Variants in ZNF26 observed in about 807,000 individuals in gnomAD.
The protein encoded by ZNF26 is zinc finger protein 26, also known as epididymis luminal protein 179.
A neutral mutation model predicts 54.9 loss-of-function variants in ZNF26; 32 were observed. That is an observed-to-expected ratio of 0.58 (90% CI 0.44 to 0.78). The LOEUF is 0.78. Ranked by LOEUF, ZNF26 falls within the 30% of genes least tolerant of loss-of-function variation. The pLI is 0.00. For synonymous variants in ZNF26, 221 were observed against 209.2 expected, an observed-to-expected ratio of 1.06 and a Z score of -0.49; for missense variants, 524 against 634.0, an observed-to-expected ratio of 0.83 and a Z score of 1.86.
intron 1 of ZNF26, among the ~76,000 whole-genome samples, chr12:132,998,645 C>T (rs889646441): frequency 3.9e-5 from 6 of 152,164 alleles, no homozygotes; most frequent in Non-Finnish European, 8.8e-5. Context: ...TCTTTACTTG[C>T]CACAGATCAG....
chr12:132,986,515 G>C lies in ZNF26; in HGVS notation c.-326G>C, dbSNP rs1307416076. 4.6e-5 allele frequency: 21 copies of C among 452,418 alleles called. No individual in the cohort carries two copies. The highest frequency in any genetic ancestry group is 5.3e-5 in the Non-Finnish European group (13 of 245,876). The allele number at this position is 452,418 out of a possible 1,614,324, so 28.0% of individuals were successfully genotyped here. ...GGCTCGGATTATCCTGGGCAGACCA[G>C]AGACTTGACCAGCTAAACACTTCCG... On this transcript the variant is annotated 5_prime_UTR_variant, in exon 1 of 4. Coordinates refer to ENST00000328654, the MANE Select transcript of ZNF26 (RefSeq NM_019591.4).
Position 132,996,150 on chromosome 12 carries a change from C to T in ZNF26, c.33+9277C>T, listed in dbSNP as rs908603471. ...TTGTTTCTGGAGCACCTTGAGGCTG[C>T]GGGAGACTCAGTCTGCCATTCCAGC... On this transcript the variant is annotated intron_variant, in intron 1 of 3. Coordinates refer to ENST00000328654, the MANE Select transcript of ZNF26 (RefSeq NM_019591.4). Among the ~76,000 whole-genome samples the T allele has an allele frequency of 2.9e-3, 435 of 152,244 alleles. 2 individuals carry two copies. Among genetic ancestry groups the T allele is most frequent in the African/African-American group, 9.9e-3 (410 of 41,538 alleles).
intron 1 of ZNF26, among the ~76,000 whole-genome samples, chr12:133,000,115 C>G (rs1039198263): frequency 1.1e-4 from 16 of 152,082 alleles, no homozygotes; most frequent in African/African-American, 2.9e-4. Context: ...ATCATAATCT[C>G]TTGTGAAATT....
At chr12:132,989,009 TC>T (rs1445940655) in intron 1 of ZNF26, among the ~76,000 whole-genome samples, 2 of 149,142 alleles carry the variant, frequency 1.3e-5, no homozygotes, top group African/African-American at 4.9e-5. Flanking sequence ...ATCATGTAGT[TC>T]CAGGAGTCTT....
chr12:133,008,666 C>G (rs1289923419), intron 3 of ZNF26, among the ~76,000 whole-genome samples: 2 of 151,404 alleles, frequency 1.3e-5, no homozygotes, highest in Admixed American at 1.3e-4. Context: ...GTCCCAGCTA[C>G]TCAGGAGGCT....
rs2137200312 is a variant in ZNF26 at position 132,986,923 on chromosome 12, C to T, written c.33+50C>T. On this transcript the variant is annotated intron_variant, in intron 1 of 3. Coordinates refer to ENST00000328654, the MANE Select transcript of ZNF26 (RefSeq NM_019591.4). ...AAATTCGACTGGATACTGAGGGTGG[C>T]CACGTTAATCTCTTCAGGGTTACTC... The T allele has an allele frequency of 3.2e-6, 5 of 1,556,900 alleles. No homozygotes were observed. In the East Asian group the frequency reaches 1.2e-4, roughly 36 times the overall value.
intron 3 of ZNF26, among the ~76,000 whole-genome samples, chr12:133,009,605 A>AG (rs1340150085): frequency 4.0e-5 from 6 of 151,104 alleles, no homozygotes; most frequent in African/African-American, 1.5e-4. Context: ...AAAAAAAAAA[A>AG]TCTTAAAAAT....
chr12:133,010,565 C>G lies in ZNF26; in HGVS notation c.686C>G (p.Pro229Arg). 6.2e-7 allele frequency: 1 copy of G among 1,614,078 alleles called. No homozygotes were observed. The highest frequency in any genetic ancestry group is 8.5e-7 in the Non-Finnish European group (1 of 1,179,998). The change falls in exon 4 of 4, where the codon CCC becomes CGC. Residue 229 changes from proline (P) to arginine (R), a missense_variant. Physicochemically the swap from Pro to Arg is moderately radical, Grantham distance 103. Coordinates refer to ENST00000328654, the MANE Select transcript of ZNF26 (RefSeq NM_019591.4). ...AHQRVHTGEKPYSCSECEKVF... is the reference protein window; with the variant it reads ...AHQRVHTGEKRYSCSECEKVF... The stretch of plus-strand genomic sequence containing the variant: ...CAGAGAGTTCATACAGGAGAAAAAC[C>G]CTACTCATGTAGTGAGTGCGAGAAG...
At chr12:132,993,105 G>A (rs910835715) in intron 1 of ZNF26, among the ~76,000 whole-genome samples, 35 of 145,896 alleles carry the variant, frequency 2.4e-4, no homozygotes, top group South Asian at 1.3e-3. Context: ...GCTCACTGCA[G>A]CCTCTACCTC....
At position 133,021,163 on chromosome 12, in the gene ZNF26, G is replaced by T. The variant is rs1953635393; in HGVS notation, c.*9682G>T. ...AGACGGAATCTCACTCTGTCACCAAGGTTGAAGTGCAGTGGCACCGTGTCG... is the reference window on the plus strand; with the variant it reads ...AGACGGAATCTCACTCTGTCACCAATGTTGAAGTGCAGTGGCACCGTGTCG... On this transcript the variant is annotated 3_prime_UTR_variant, in exon 4 of 4. Transcript: ENST00000328654. 1.5e-5 allele frequency: 2 copies of T among 135,532 alleles called. No homozygotes were observed. Among genetic ancestry groups the T allele is most frequent in the Non-Finnish European group, 3.0e-5 (2 of 65,794 alleles). The allele number at this position is 135,532 out of a possible 1,614,324, so 8.4% of individuals were successfully genotyped here.
At position 133,010,393 on chromosome 12, in the gene ZNF26, A is replaced by G; in HGVS notation, c.514A>G (p.Lys172Glu). The G allele has an allele frequency of 1.2e-6, 2 of 1,614,206 alleles. No individual in the cohort carries two copies. The highest frequency in any genetic ancestry group is 1.3e-5 in the African/African-American group (1 of 75,066). The change falls in exon 4 of 4, where the codon AAA becomes GAA. Residue 172 changes from lysine to glutamate, a missense_variant. By Grantham distance (56) the Lys-to-Glu change is moderately conservative. Coordinates refer to ENST00000328654, the MANE Select transcript of ZNF26 (RefSeq NM_019591.4). ...GCATCAAAGAGCTCATAGCATAGAA[A>G]AAAACTGTGTGTGTAGTGAATGTGG... ...LKHQRAHSIEKNCVCSECGKA... is the reference protein window; with the variant it reads ...LKHQRAHSIEENCVCSECGKA...
Position 133,010,841 on chromosome 12 carries a change from A to G in ZNF26, c.962A>G (p.Lys321Arg). The change falls in exon 4 of 4, where the codon AAA becomes AGA. Residue 321 changes from lysine to arginine, a missense_variant. Physicochemically the swap from Lys to Arg is conservative, Grantham distance 26. Transcript: ENST00000328654. ...CCCCATAAATGCAGTGAATGTGGGAAAGCCTTTAGGAGTAAGTCCTATCTC... is the reference window on the plus strand; with the variant it reads ...CCCCATAAATGCAGTGAATGTGGGAGAGCCTTTAGGAGTAAGTCCTATCTC... ...VKPHKCSECG[K>R]AFRSKSYLLV... 1 of 1,614,130 alleles carries G rather than the reference A, an allele frequency of 6.2e-7. No homozygotes were observed. The highest frequency in any genetic ancestry group is 1.7e-5 in the Admixed American group (1 of 60,020).
Position 133,026,927 on chromosome 12 carries a change from CAT to C in ZNF26, c.*15448_*15449del, listed in dbSNP as rs1174068566. ...AATGTAGAAATAGAGTGATATGAAA[CAT>C]AAATACCTATATAGGTTAAGAAAAA... is the stretch of plus-strand genomic sequence containing the variant. On this transcript the variant is annotated 3_prime_UTR_variant, in exon 4 of 4. Coordinates refer to ENST00000328654, the MANE Select transcript of ZNF26 (RefSeq NM_019591.4). The C allele has an allele frequency of 6.6e-6, 1 of 152,100 alleles. No homozygotes were observed. The highest frequency in any genetic ancestry group is 1.5e-5 in the Non-Finnish European group (1 of 68,024). 9.4% of individuals were successfully genotyped at this position (152,100 alleles called of 1,614,324 possible).
intron 1 of ZNF26, among the ~76,000 whole-genome samples, chr12:132,990,858 CT>C (rs1213947440): frequency 1.3e-5 from 2 of 151,780 alleles, no homozygotes; most frequent in Non-Finnish European, 2.9e-5. Context: ...CTTTATTGTC[CT>C]TTTTTCTTTT....
chr12:132,995,041 T>C (rs1262336640), intron 1 of ZNF26: 2 of 152,184 alleles, frequency 1.3e-5, no homozygotes, highest in Non-Finnish European at 2.9e-5. Context: ...CGAATGATAC[T>C]GTTGAGTCAT....
chr12:132,986,979 G>C, intron 1 of ZNF26, 106 bp downstream of exon 1: 1 of 1,306,794 alleles, frequency 7.7e-7, no homozygotes, highest in Non-Finnish European at 1.1e-6. Flanking sequence ...AGCTGTAATT[G>C]TGTGCGTAGT....
chr12:132,986,893 G>T lies in ZNF26; in HGVS notation c.33+20G>T. 1 of 1,600,112 alleles carries T rather than the reference G, an allele frequency of 6.2e-7. No homozygotes were observed. Among genetic ancestry groups the T allele is most frequent in the South Asian group, 1.1e-5 (1 of 88,776 alleles). On this transcript the variant is annotated intron_variant, in intron 1 of 3. Coordinates refer to ENST00000328654, the MANE Select transcript of ZNF26 (RefSeq NM_019591.4). ...TGCTGGGTAAGTAGAGACTTTCCGT[G>T]TTTAAAATTCGACTGGATACTGAGG...
At chr12:133,007,970 C>T (rs1333931624) in intron 3 of ZNF26, among the ~76,000 whole-genome samples, 1 of 152,110 alleles carries the variant, frequency 6.6e-6, no homozygotes, top group Non-Finnish European at 1.5e-5. Flanking sequence ...CCTGGTGTCT[C>T]CTATATCTTT....
At chr12:133,004,102 T>A (rs1953276076) in intron 1 of ZNF26, among the ~76,000 whole-genome samples, 1 of 152,238 alleles carries the variant, frequency 6.6e-6, no homozygotes, top group South Asian at 2.1e-4. Context: ...TCAGTATGTT[T>A]CTTCTAACAT....
Sources: allele counts gnomAD v4.1 joint callset (sites outside exome capture counted in the v4.1 genomes callset), GRCh38; gene constraint gnomAD v4.1.1; transcripts MANE v1.5; gene names NCBI Gene and HGNC (gene_info 2026-07-23, HGNC 2026-07-21).